The following SPECC1 variants were observed in gnomAD, a reference collection of about 807,000 sequenced individuals.
SPECC1 encodes sperm antigen with calponin homology and coiled-coil domains 1.
SPECC1 carries 62 observed loss-of-function variants against 104.1 expected under a neutral mutation model. The observed-to-expected ratio is 0.60, with a 90% confidence interval of 0.49 to 0.74. The LOEUF is 0.74. Among genes scored for constraint, SPECC1 ranks in the 30% least tolerant of loss-of-function variants. The probability of loss-of-function intolerance (pLI) is 0.00; values close to 1 mark genes in which losing one functional copy is unlikely to be tolerated. For synonymous variants in SPECC1, 513 were observed against 501.6 expected (o/e 1.02, Z -0.30); for missense variants, 1,306 against 1,310.5 (o/e 1.00, Z 0.05).
At chr17:20,182,655 A>G (rs1001831219) in intron 3 of SPECC1, among the ~76,000 whole-genome samples, 5 of 152,224 alleles carry the variant, frequency 3.3e-5, no homozygotes, top group African/African-American at 9.6e-5. Context: ...CTAATGTCAT[A>G]TAAGTACGTA....
chr17:20,240,080 T>TTA (rs1598065872), intron 7 of SPECC1, among the ~76,000 whole-genome samples: 1 of 118,844 alleles, frequency 8.4e-6, no homozygotes, highest in East Asian at 2.4e-4. Context: ...TTTTTTTTTT[T>TTA]TTTTTTTTTT....
intron 2 of SPECC1, among the ~76,000 whole-genome samples, chr17:20,109,870 T>C (rs2048396309): frequency 6.6e-6 from 1 of 152,182 alleles, no homozygotes; most frequent in Non-Finnish European, 1.5e-5. Flanking sequence ...TTTAAAATTT[T>C]TGTTTAGAGA....
At chr17:20,198,519 T>C (rs1029342170) in intron 3 of SPECC1, among the ~76,000 whole-genome samples, 1 of 152,216 alleles carries the variant, frequency 6.6e-6, no homozygotes, top group African/African-American at 2.4e-5. Flanking sequence ...GTCCTGTACA[T>C]ACCTGACTCT....
chr17:20,118,301 A>G (rs1396110551), intron 3 of SPECC1, among the ~76,000 whole-genome samples: 1 of 152,186 alleles, frequency 6.6e-6, no homozygotes, highest in Non-Finnish European at 1.5e-5. Flanking sequence ...TTCACCAAGC[A>G]TTTCTATTAT....
At chr17:20,172,264 G>A (rs528636906) in intron 3 of SPECC1, among the ~76,000 whole-genome samples, 55 of 152,274 alleles carry the variant, frequency 3.6e-4, no homozygotes, top group African/African-American at 1.3e-3. Context: ...TCCTCTCTCA[G>A]CGTGTTACAG....
intron 4 of SPECC1, among the ~76,000 whole-genome samples, chr17:20,221,134 G>T (rs2037849306): frequency 6.6e-6 from 1 of 151,922 alleles, no homozygotes; most frequent in Non-Finnish European, 1.5e-5. Flanking sequence ...TTTTTTTCAT[G>T]TATCTTTCTT....
chr17:20,108,884 C>G (rs988397736), intron 2 of SPECC1, among the ~76,000 whole-genome samples: 1 of 152,230 alleles, frequency 6.6e-6, no homozygotes, highest in Non-Finnish European at 1.5e-5. Flanking sequence ...GACTTACTGC[C>G]TTTCAGCAAA....
rs769026981 is a variant in SPECC1 at position 20,096,656 on chromosome 17, G to A, written c.5G>A (p.Arg2Gln). ...GACAGACCCACGAAGTCAAGCATGC[G>A]GAGTGCAGCCAAGCCCTGGAACCCA... M[R>Q]SAAKPWNPAI... is the part of the protein sequence containing the mutation. Residue 2 changes from arginine to glutamine, a missense_variant, in exon 2 of 15, where the codon CGG (arginine) becomes CAG (glutamine). By Grantham distance (43) the Arg-to-Gln change is conservative. Around this residue, in one of 2 missense-constraint regions of SPECC1, gnomAD observed 1,177 missense variants for 1,139.9 expected, o/e 1.03. Transcript: ENST00000395527. 1.2e-5 allele frequency: 19 copies of A among 1,611,930 alleles called. No individual in the cohort carries two copies. Among genetic ancestry groups the A allele is most frequent in the East Asian group, 2.2e-5 (1 of 44,826 alleles).
chr17:20,058,744 C>T (rs535628245), intron 1 of SPECC1, among the ~76,000 whole-genome samples: 1 of 150,942 alleles, frequency 6.6e-6, no homozygotes, highest in African/African-American at 2.4e-5. Context: ...GCACCAGGGA[C>T]TGGTTTTGTG....
intron 1 of SPECC1, among the ~76,000 whole-genome samples, chr17:20,010,593 C>T (rs993620405): frequency 2.6e-5 from 4 of 152,226 alleles, no homozygotes; most frequent in African/African-American, 4.8e-5. Context: ...AGCTGAGCCT[C>T]CATACTAAAG....
At chr17:20,107,462 CT>C (rs201566147) in intron 2 of SPECC1, among the ~76,000 whole-genome samples, 469 of 132,076 alleles carry the variant, frequency 3.6e-3, no homozygotes, top group African/African-American at 8.4e-3. Context: ...TTTCTTTTTT[CT>C]TTTTTTTTTT....
At chr17:20,161,591 C>T (rs2033153222) in intron 3 of SPECC1, among the ~76,000 whole-genome samples, 1 of 152,082 alleles carries the variant, frequency 6.6e-6, no homozygotes, top group Non-Finnish European at 1.5e-5. Flanking sequence ...CATTGCATAA[C>T]GCGTGATCTG....
intron 9 of SPECC1, 59 bp from the exon 10 acceptor site, chr17:20,253,446 G>A: frequency 6.4e-7 from 1 of 1,554,516 alleles, no homozygotes; most frequent in South Asian, 1.1e-5. Context: ...ACACATCTGT[G>A]TTTGTGCTAT....
At chr17:20,056,758 A>C (rs1167197533) in intron 1 of SPECC1, 3 of 152,240 alleles carry the variant, frequency 2.0e-5, no homozygotes, top group Non-Finnish European at 4.4e-5. Flanking sequence ...CACTTTTTCT[A>C]ACCTTTGGAA....
intron 1 of SPECC1, among the ~76,000 whole-genome samples, chr17:20,042,048 G>A (rs1161794756): frequency 6.6e-6 from 1 of 152,136 alleles, no homozygotes; most frequent in Admixed American, 6.5e-5. Flanking sequence ...CTGACTCTTG[G>A]TATAAATGAT....
chr17:20,134,907 A>G (rs924721138), intron 3 of SPECC1, among the ~76,000 whole-genome samples: 3 of 152,212 alleles, frequency 2.0e-5, no homozygotes, highest in African/African-American at 7.2e-5. Context: ...TCCAGAAGAA[A>G]GTTCTGCTTT....
At chr17:20,108,059 A>G (rs1198758770) in intron 2 of SPECC1, among the ~76,000 whole-genome samples, 1 of 152,206 alleles carries the variant, frequency 6.6e-6, no homozygotes, top group African/African-American at 2.4e-5. Context: ...ATGGCGAGTT[A>G]CTGTTTAATG....
At chr17:20,168,410 C>T (rs935584035) in intron 3 of SPECC1, among the ~76,000 whole-genome samples, 4 of 152,134 alleles carry the variant, frequency 2.6e-5, no homozygotes, top group African/African-American at 7.2e-5. Flanking sequence ...TAACATCTAC[C>T]TCATAAACAT....
At chr17:20,089,247 A>G (rs1441068461) in intron 1 of SPECC1, among the ~76,000 whole-genome samples, 4 of 152,200 alleles carry the variant, frequency 2.6e-5, no homozygotes, top group African/African-American at 7.2e-5. Flanking sequence ...CTCACAGGGT[A>G]GTCAGAAACA....
Sources: gnomAD v4.1 joint callset for allele counts (sites outside exome capture counted in the v4.1 genomes callset) on GRCh38, gnomAD v4.1.1 for gene constraint, gnomAD v4.1.1 regional missense constraint, MANE v1.5 for transcripts, NCBI Gene and HGNC (gene_info 2026-07-23, HGNC 2026-07-21) for gene names.